The following ANXA3 variants were observed in gnomAD, a reference collection of about 807,000 sequenced individuals.
ANXA3 encodes 35-alpha calcimedin.
A neutral mutation model predicts 48.8 loss-of-function variants in ANXA3; 46 were observed. The ratio of observed to expected loss-of-function variants is 0.94; its 90% confidence interval spans 0.74 to 1.21. The LOEUF (loss-of-function observed/expected upper bound fraction) is 1.21. Ranked by LOEUF, ANXA3 falls within the 50% of genes most tolerant of loss-of-function variation. The probability of loss-of-function intolerance (pLI) is 0.00; values close to 1 mark genes in which losing one functional copy is unlikely to be tolerated. For synonymous variants in ANXA3, 128 were observed against 134.7 expected, an observed-to-expected ratio of 0.95 and a Z score of 0.35; for missense variants, 383 against 378.6, an observed-to-expected ratio of 1.01 and a Z score of -0.10.
intron 10 of ANXA3, among the ~76,000 whole-genome samples, chr4:78,598,660 C>A (rs1234427939): frequency 1.3e-5 from 2 of 152,130 alleles, no homozygotes; most frequent in Non-Finnish European, 2.9e-5. Context: ...GTGCCTCAGC[C>A]TCCTAAGTAG....
chr4:78,555,809 C>A (rs1002267525), intron 2 of ANXA3, among the ~76,000 whole-genome samples: 1 of 151,546 alleles, frequency 6.6e-6, no homozygotes, highest in African/African-American at 2.4e-5. Context: ...CATGTTCATA[C>A]CACTGTACTC....
At chr4:78,568,107 A>T (rs913706240) in intron 2 of ANXA3, among the ~76,000 whole-genome samples, 3 of 152,224 alleles carry the variant, frequency 2.0e-5, no homozygotes, top group Non-Finnish European at 2.9e-5. Flanking sequence ...CTGGTCTCCA[A>T]GTAAGGCCAC....
At chr4:78,593,237 C>T (rs1037686376) in intron 7 of ANXA3, among the ~76,000 whole-genome samples, 1 of 151,064 alleles carries the variant, frequency 6.6e-6, no homozygotes, top group Non-Finnish European at 1.5e-5. Flanking sequence ...GAGTCTCACT[C>T]TGTCATCCAG....
chr4:78,566,962 C>T (rs745373296), intron 2 of ANXA3, among the ~76,000 whole-genome samples: 42 of 152,328 alleles, frequency 2.8e-4, no homozygotes, highest in African/African-American at 9.1e-4. Flanking sequence ...GGGATCCCAG[C>T]GTCTGCCAGT....
intron 5 of ANXA3, among the ~76,000 whole-genome samples, chr4:78,583,318 G>A (rs1223831956): frequency 1.3e-5 from 2 of 151,850 alleles, no homozygotes; most frequent in Non-Finnish European, 2.9e-5. Context: ...CTTCAGTCTG[G>A]GTGACAGTGA....
chr4:78,554,178 TC>T lies in ANXA3; in HGVS notation c.-38-257del, dbSNP rs1173173629. On this transcript the variant is annotated intron_variant, in intron 1 of 12. Transcript: ENST00000264908. ...TTTTCAGGAAGTATATTTGTAAGCA[TC>T]TTAAGTACAAAGATTTTTTTCTGTC... is the stretch of plus-strand genomic sequence containing the variant. 3.0e-5 allele frequency: 10 copies of T among 329,072 alleles called. No individual in the cohort carries two copies. The Admixed American group carries it at 4.3e-4, about 14-fold the overall frequency. The allele number at this position is 329,072 out of a possible 1,614,324, so 20.4% of individuals were successfully genotyped here. A position where few individuals can be genotyped will look rare whatever the true frequency, so the allele number is the denominator to read the frequency against.
rs1722469439 is a variant in ANXA3 at position 78,554,497 on chromosome 4, A to G, written c.15+9A>G. The stretch of plus-strand genomic sequence containing the variant: ...TCATGGCATCTATCTGGGTAAGTAA[A>G]AATTAAGCCTTCACAACACAGTAAC... On this transcript the variant is annotated intron_variant, in intron 2 of 12. Coordinates refer to ENST00000264908, the MANE Select transcript of ANXA3 (RefSeq NM_005139.3). 1.2e-6 allele frequency: 2 copies of G among 1,612,874 alleles called. No individual in the cohort carries two copies. Among genetic ancestry groups the G allele is most frequent in the East Asian group, 4.5e-5 (2 of 44,822 alleles).
At chr4:78,597,211 GT>G (rs1417661687) in intron 9 of ANXA3, 107 bp from the exon 10 acceptor site, 20 of 701,832 alleles carry the variant, frequency 2.8e-5, no homozygotes, top group East Asian at 2.7e-4. Flanking sequence ...TAAAGAGGGA[GT>G]TTTTTAGCTT....
intron 2 of ANXA3, 175 bp from the exon 3 acceptor site, chr4:78,573,005 T>G (rs759078719): frequency 3.7e-5 from 27 of 724,110 alleles, no homozygotes; most frequent in Non-Finnish European, 6.6e-5. Context: ...CATGTCAGAT[T>G]TCTCTTACTG....
chr4:78,584,537 C>T (rs893509169), intron 5 of ANXA3, among the ~76,000 whole-genome samples: 1 of 152,120 alleles, frequency 6.6e-6, no homozygotes. Flanking sequence ...AGGCAAACCT[C>T]CACCATGGCA....
intron 1 of ANXA3, chr4:78,552,299 G>A (rs182018880): frequency 3.3e-5 from 5 of 152,480 alleles, no homozygotes; most frequent in African/African-American, 1.2e-4. Flanking sequence ...TGGCAGACGG[G>A]GCTGGCTCAG....
intron 2 of ANXA3, among the ~76,000 whole-genome samples, chr4:78,569,312 A>G (rs909029194): frequency 5.9e-5 from 9 of 152,084 alleles, no homozygotes; most frequent in Admixed American, 3.9e-4. Flanking sequence ...GTGATGTTCT[A>G]CGCTAGCACT....
chr4:78,604,465 A>G (rs2109950896), intron 12 of ANXA3, 66 bp downstream of exon 12: 3 of 1,285,522 alleles, frequency 2.3e-6, no homozygotes, highest in Non-Finnish European at 2.1e-6. Flanking sequence ...TTACTCTTAT[A>G]TGCCTTAAAA....
intron 6 of ANXA3, 68 bp from the exon 7 acceptor site, chr4:78,591,475 AC>A (rs1189689221): frequency 3.7e-6 from 4 of 1,079,046 alleles, no homozygotes; most frequent in African/African-American, 1.6e-5. Flanking sequence ...TGGCATTTAA[AC>A]TTTTCTCTGT....
intron 2 of ANXA3, among the ~76,000 whole-genome samples, chr4:78,559,273 G>A (rs1275999383): frequency 6.6e-6 from 1 of 151,944 alleles, no homozygotes; most frequent in African/African-American, 2.4e-5. Context: ...TATAGAGATG[G>A]GAATTCACTG....
At chr4:78,597,089 AAG>A (rs1723437667) in intron 9 of ANXA3, 1 of 417,448 alleles carries the variant, frequency 2.4e-6, no homozygotes, top group Non-Finnish European at 4.2e-6. Context: ...GGGAAAGAGA[AAG>A]AGAGATCATT....
At chr4:78,584,592 A>G (rs973927703) in intron 5 of ANXA3, among the ~76,000 whole-genome samples, 1 of 152,088 alleles carries the variant, frequency 6.6e-6, no homozygotes, top group East Asian at 1.9e-4. Flanking sequence ...TCCTAGAGCA[A>G]CTCCTGAAAT....
At position 78,584,775 on chromosome 4, in the gene ANXA3, A is replaced by C. The variant is rs188796330; in HGVS notation, c.313-1485A>C. Among the ~76,000 whole-genome samples the C allele has an allele frequency of 3.5e-3, 526 of 152,318 alleles. 2 individuals are homozygous for C. Among genetic ancestry groups the C allele is most frequent in the Middle Eastern group, 0.024 (7 of 294 alleles). On this transcript the variant is annotated intron_variant, in intron 5 of 12. Coordinates refer to ENST00000264908, the MANE Select transcript of ANXA3 (RefSeq NM_005139.3). ...GGCAAGATGGAATTTGATGTACAGG[A>C]GATTTATTTTGAGAAACACCTGTGA...
chr4:78,604,337 C>A lies in ANXA3; in HGVS notation c.850C>A (p.Leu284Ile), dbSNP rs1723604528. 6.2e-7 allele frequency: 1 copy of A among 1,613,206 alleles called. No individual in the cohort carries two copies. The highest frequency in any genetic ancestry group is 8.5e-7 in the Non-Finnish European group (1 of 1,179,368). The change falls in exon 12 of 13, where the codon CTT becomes ATT. Residue 284 changes from leucine to isoleucine, a missense_variant. Leu to Ile is a conservative substitution (Grantham distance 5). Coordinates refer to ENST00000264908, the MANE Select transcript of ANXA3 (RefSeq NM_005139.3). ...AATGGTGTCCAGATCAGAAATTGACCTTTTGGACATTCGAACAGAGTTCAA... is the reference window on the plus strand; with the variant it reads ...AATGGTGTCCAGATCAGAAATTGACATTTTGGACATTCGAACAGAGTTCAA... ...RIMVSRSEID[L>I]LDIRTEFKKH... is the part of the protein sequence containing the mutation.
Sources: allele counts gnomAD v4.1 joint callset (sites outside exome capture counted in the v4.1 genomes callset), GRCh38; gene constraint gnomAD v4.1.1; transcripts MANE v1.5; gene names NCBI Gene and HGNC (gene_info 2026-07-23, HGNC 2026-07-21).